The following NBR1 variants were observed in gnomAD, a reference collection of about 807,000 sequenced individuals.
The protein encoded by NBR1 is next to BRCA1 gene 1 protein.
A neutral mutation model predicts 115.5 loss-of-function variants in NBR1; 59 were observed. The observed-to-expected ratio is 0.51, with a 90% CI of 0.41 to 0.63. The LOEUF is 0.63. Among genes scored for constraint, NBR1 ranks in the 30% least tolerant of loss-of-function variants. The pLI is 0.00. For missense variants in NBR1, 1,043 were observed against 1,150.5 expected (o/e 0.91, Z 1.35); for synonymous variants, 373 against 414.7 (o/e 0.90, Z 1.22).
intron 10 of NBR1, among the ~76,000 whole-genome samples, chr17:43,192,440 C>T (rs1212209733): frequency 2.0e-5 from 3 of 152,074 alleles, no homozygotes; most frequent in African/African-American, 7.2e-5. Context: ...GCGATCTCGG[C>T]TCACTGCAAG....
upstream of NBR1, chr17:43,170,854 G>GA (rs2056335776): frequency 6.6e-6 from 1 of 152,200 alleles, no homozygotes; most frequent in African/African-American, 2.4e-5. Context: ...CTTGAGAGCA[G>GA]AGACTAGGCC....
chr17:43,193,709 A>C, intron 12 of NBR1, 71 bp downstream of exon 12: 2 of 1,477,696 alleles, frequency 1.4e-6, no homozygotes, highest in Non-Finnish European at 1.8e-6. Context: ...TAAAACTAAA[A>C]GAACCCACTC....
At chr17:43,192,177 T>C (rs2056964322) in intron 10 of NBR1, among the ~76,000 whole-genome samples, 1 of 149,326 alleles carries the variant, frequency 6.7e-6, no homozygotes, top group African/African-American at 2.5e-5. Flanking sequence ...CATGCCACCA[T>C]GCCCGGCTAA....
Position 43,200,674 on chromosome 17 carries a change from G to C in NBR1, c.2468+66G>C. ...GTGAAATAAAGAGAGGAATCGACCT[G>C]ATCTCAAAACCTGTTTTTTCCTCAG... is the stretch of plus-strand genomic sequence containing the variant. On this transcript the variant is annotated intron_variant, in intron 17 of 20. Transcript: ENST00000590996. The C allele has an allele frequency of 2.1e-6, 3 of 1,431,386 alleles. No individual in the cohort carries two copies. The South Asian group carries it at 4.1e-5, about 20-fold the overall frequency. 88.7% of individuals were successfully genotyped at this position (1,431,386 alleles called of 1,614,324 possible). A position where few individuals can be genotyped will look rare whatever the true frequency, so the allele number is the denominator to read the frequency against.
chr17:43,205,663 G>A (rs1022688833), intron 20 of NBR1, among the ~76,000 whole-genome samples: 6 of 151,964 alleles, frequency 3.9e-5, no homozygotes, highest in African/African-American at 1.5e-4. Flanking sequence ...GATTATTTGC[G>A]TCCAGGAGTT....
At chr17:43,184,369 A>ATTTTTTTTTTTTTTTTTTTTTT (rs1597977030) in intron 5 of NBR1, among the ~76,000 whole-genome samples, 3 of 21,814 alleles carry the variant, frequency 1.4e-4, no homozygotes, top group Admixed American at 1.0e-3. Flanking sequence ...CCAAAATACT[A>ATTTTTTTTTTTTTTTTTTTTTT]TTCTTTTTTT....
intron 1 of NBR1, among the ~76,000 whole-genome samples, chr17:43,174,126 A>G (rs2056446791): frequency 6.6e-6 from 1 of 152,200 alleles, no homozygotes; most frequent in Non-Finnish European, 1.5e-5. Flanking sequence ...TTCTTAATGG[A>G]TAAAAGCATA....
chr17:43,197,380 G>A (rs1342235702), intron 16 of NBR1, among the ~76,000 whole-genome samples: 2 of 152,028 alleles, frequency 1.3e-5, no homozygotes, highest in East Asian at 1.9e-4. Flanking sequence ...TTAGCCTGGC[G>A]ACGTGGCGGG....
At chr17:43,192,661 G>A (rs1597992839) in intron 10 of NBR1, among the ~76,000 whole-genome samples, 1 of 152,172 alleles carries the variant, frequency 6.6e-6, no homozygotes, top group African/African-American at 2.4e-5. Flanking sequence ...GAGCCACCGC[G>A]CCTGGCCAAG....
At chr17:43,177,558 C>T (rs2056548420) in intron 2 of NBR1, among the ~76,000 whole-genome samples, 1 of 143,028 alleles carries the variant, frequency 7.0e-6, no homozygotes, top group Non-Finnish European at 1.5e-5. Flanking sequence ...TTCCCTACCC[C>T]ACACCCCACC....
At chr17:43,204,967 C>T (rs143879842) in intron 20 of NBR1, among the ~76,000 whole-genome samples, 1 of 152,072 alleles carries the variant, frequency 6.6e-6, no homozygotes, top group Non-Finnish European at 1.5e-5. Context: ...CTGAGCGAGA[C>T]CCTGTCTCAA....
intron 5 of NBR1, among the ~76,000 whole-genome samples, chr17:43,181,579 T>G (rs897931760): frequency 6.6e-6 from 1 of 152,092 alleles, no homozygotes; most frequent in East Asian, 1.9e-4. Flanking sequence ...GGCAGGAGAA[T>G]GGCGTGAACC....
intron 2 of NBR1, among the ~76,000 whole-genome samples, chr17:43,177,493 A>T (rs1188739704): frequency 6.6e-6 from 1 of 151,492 alleles, no homozygotes; most frequent in African/African-American, 2.4e-5. Context: ...AATACATGAC[A>T]GTGTCCTGAA....
intron 20 of NBR1, among the ~76,000 whole-genome samples, chr17:43,208,181 TAGAC>T (rs2057352166): frequency 1.3e-5 from 2 of 152,248 alleles, no homozygotes; most frequent in South Asian, 2.1e-4. Flanking sequence ...CACTTTCAAA[TAGAC>T]AGGCTACAAC....
At position 43,196,534 on chromosome 17, in the gene NBR1, C is replaced by T. The variant is rs2057072218; in HGVS notation, c.1804C>T (p.Pro602Ser). ...ACATGACAGTCCTTTAATAGAGAAG[C>T]CAGGCTTGGGGCAGATAGAGGAAGA... is the stretch of plus-strand genomic sequence containing the variant. Reference protein sequence around the residue: ...LPHDSPLIEKPGLGQIEEENE... With the variant: ...LPHDSPLIEKSGLGQIEEENE... The change falls in exon 15 of 21, where the codon CCA becomes TCA. Residue 602 changes from proline to serine, a missense_variant. Physicochemically the swap from Pro to Ser is moderately conservative, Grantham distance 74. Transcript: ENST00000590996. 6.2e-7 allele frequency: 1 copy of T among 1,605,998 alleles called. No individual in the cohort carries two copies. Among genetic ancestry groups the T allele is most frequent in the Non-Finnish European group, 8.5e-7 (1 of 1,177,396 alleles).
At chr17:43,194,203 T>C (rs1439067444) in intron 12 of NBR1, 147 bp from the exon 13 acceptor site, 1 of 766,600 alleles carries the variant, frequency 1.3e-6, no homozygotes, top group East Asian at 2.8e-5. Context: ...TTTTTACAAC[T>C]TTTTCTATAA....
chr17:43,174,312 A>C (rs545075125), intron 1 of NBR1, among the ~76,000 whole-genome samples: 2 of 152,178 alleles, frequency 1.3e-5, no homozygotes, highest in African/African-American at 4.8e-5. Context: ...ATTTTAAAAA[A>C]TAGTCCGGGC....
intron 1 of NBR1, among the ~76,000 whole-genome samples, chr17:43,171,529 T>G (rs1243364004): frequency 6.6e-6 from 1 of 152,112 alleles, no homozygotes; most frequent in Non-Finnish European, 1.5e-5. Context: ...ATCCGGCTTC[T>G]ACTGATGGAA....
upstream of NBR1, chr17:43,170,544 C>G (rs906121878): frequency 6.5e-6 from 1 of 153,210 alleles, no homozygotes; most frequent in African/African-American, 2.4e-5. Flanking sequence ...AAGATAGTGT[C>G]CAAAGCAGTC....
Sources: allele counts gnomAD v4.1 joint callset (sites outside exome capture counted in the v4.1 genomes callset), GRCh38; gene constraint gnomAD v4.1.1; transcripts MANE v1.5; gene names NCBI Gene and HGNC (gene_info 2026-07-23, HGNC 2026-07-21).